The following EWSR1 variants were observed in gnomAD, a reference collection of about 807,000 sequenced individuals.
The protein encoded by EWSR1 is RNA-binding protein EWS.
A neutral mutation model predicts 92.1 loss-of-function variants in EWSR1; 14 were observed. The observed-to-expected ratio is 0.15, with a 90% CI of 0.10 to 0.24. EWSR1 has a LOEUF of 0.24. EWSR1 is among the 10% of genes least tolerant of loss of function. The pLI is 1.00. For synonymous variants in EWSR1, 303 were observed against 292.9 expected (o/e 1.03, Z -0.35); for missense variants, 637 against 870.9 (o/e 0.73, Z 3.38).
intron 4 of EWSR1, chr22:29,277,774 T>G (rs940241556): frequency 2.3e-6 from 1 of 442,166 alleles, no homozygotes; most frequent in African/African-American, 2.0e-5. Context: ...CCCTGTTTTC[T>G]GTAGCATGAC....
At chr22:29,288,501 T>C (rs2060217375) in intron 7 of EWSR1, 105 bp from the exon 8 acceptor site, 1 of 1,113,114 alleles carries the variant, frequency 9.0e-7, no homozygotes, top group South Asian at 1.7e-5. Context: ...AGATGGTGCC[T>C]TGGTTAGTGC....
At position 29,298,748 on chromosome 22, in the gene EWSR1, G is replaced by A. The variant is rs1431048672; in HGVS notation, c.1433G>A (p.Gly478Glu). ...CTTGTTGTAGGTCCAGGAGGCCCAGGAGGTCCTGGGGGACCCATGGGTCGC... is the reference window on the plus strand; with the variant it reads ...CTTGTTGTAGGTCCAGGAGGCCCAGAAGGTCCTGGGGGACCCATGGGTCGC... ...PPLRGGPGGPGGPGGPMGRMG... is the reference protein window; with the variant it reads ...PPLRGGPGGPEGPGGPMGRMG... The change falls in exon 14 of 17, where the codon GGA becomes GAA. Residue 478 changes from glycine to glutamate, a missense_variant. Physicochemically the swap from Gly to Glu is moderately conservative, Grantham distance 98. This residue lies in a region of EWSR1 where 363 missense variants were observed against 447.8 expected (regional missense o/e 0.81). Transcript: ENST00000397938. 3 of 1,613,558 alleles carry A rather than the reference G, an allele frequency of 1.9e-6. No homozygotes were observed. Among genetic ancestry groups the A allele is most frequent in the Non-Finnish European group, 2.5e-6 (3 of 1,179,994 alleles).
At position 29,286,973 on chromosome 22, in the gene EWSR1, A is replaced by C; in HGVS notation, c.632A>C (p.Gln211Pro). The C allele has an allele frequency of 6.2e-7, 1 of 1,613,650 alleles. No individual in the cohort carries two copies. The highest frequency in any genetic ancestry group is 8.5e-7 in the Non-Finnish European group (1 of 1,179,814). ...TATGATCAGAGCAGTTACTCTCAGC[A>C]GAACACCTATGGGCAACCGAGCAGC... is the stretch of plus-strand genomic sequence containing the variant. The part of the protein sequence containing the change: ...TSYDQSSYSQ[Q>P]NTYGQPSSYG... Residue 211 changes from glutamine (Q) to proline (P), a missense_variant, in exon 7 of 17, where the codon CAG (glutamine) becomes CCG (proline). Physicochemically the swap from Gln to Pro is moderately conservative, Grantham distance 76. Coordinates refer to ENST00000397938, the MANE Select transcript of EWSR1 (RefSeq NM_005243.4).
intron 5 of EWSR1, among the ~76,000 whole-genome samples, chr22:29,280,992 A>C (rs1454288880): frequency 6.9e-6 from 1 of 143,980 alleles, no homozygotes; most frequent in Non-Finnish European, 1.5e-5. Flanking sequence ...CCATTCTCCT[A>C]CCTCAGCCTC....
At chr22:29,279,178 T>C (rs953125571) in intron 5 of EWSR1, among the ~76,000 whole-genome samples, 11 of 152,106 alleles carry the variant, frequency 7.2e-5, no homozygotes, top group Non-Finnish European at 1.5e-4. Context: ...ACTGATAGAA[T>C]TGTACTTTTG....
chr22:29,297,570 T>G (rs958807508), intron 12 of EWSR1, among the ~76,000 whole-genome samples: 3 of 152,172 alleles, frequency 2.0e-5, no homozygotes, highest in Non-Finnish European at 4.4e-5. Context: ...GATGCGTGCC[T>G]GTAGTCCCAG....
chr22:29,296,218 A>C, intron 11 of EWSR1, 21 bp from the exon 12 acceptor site: 1 of 1,610,120 alleles, frequency 6.2e-7, no homozygotes, highest in East Asian at 2.2e-5. Flanking sequence ...GTCATGCCTA[A>C]CTATGCTATT....
intron 1 of EWSR1, among the ~76,000 whole-genome samples, chr22:29,271,837 G>A (rs999056393): frequency 3.3e-5 from 5 of 152,160 alleles, no homozygotes; most frequent in African/African-American, 1.2e-4. Flanking sequence ...GCATGCCTCC[G>A]TTTTATATGA....
intron 4 of EWSR1, chr22:29,276,264 C>T (rs1032088467): frequency 3.0e-5 from 7 of 229,886 alleles, no homozygotes; most frequent in African/African-American, 1.1e-4. Flanking sequence ...ATGTGGTTGA[C>T]CTTAGGACTC....
At chr22:29,269,684 C>T (rs1273472558) in intron 1 of EWSR1, 1 of 152,106 alleles carries the variant, frequency 6.6e-6, no homozygotes, top group East Asian at 1.9e-4. Context: ...CTGTTCGTGC[C>T]GGGATACCAA....
At chr22:29,280,363 C>T (rs111728672) in intron 5 of EWSR1, among the ~76,000 whole-genome samples, 7 of 152,124 alleles carry the variant, frequency 4.6e-5, no homozygotes, top group African/African-American at 1.2e-4. Context: ...CCACCGCACC[C>T]GGCCTGCCTG....
chr22:29,273,702 C>T (rs747011289), intron 3 of EWSR1, 39 bp from the exon 4 acceptor site: 4 of 1,590,896 alleles, frequency 2.5e-6, no homozygotes, highest in African/African-American at 2.7e-5. Flanking sequence ...TACAAAAGTT[C>T]ATGTATGAAG....
Position 29,297,788 on chromosome 22 carries a change from G to A in EWSR1, c.1295-39G>A, listed in dbSNP as rs1263517797. The stretch of plus-strand genomic sequence containing the variant: ...ATGATGTGGAGTTGGTGAACAGGGA[G>A]TACAGGGGAGTAATTGATGTTCTGT... On this transcript the variant is annotated intron_variant, in intron 12 of 16. Transcript: ENST00000397938. 6.8e-6 allele frequency: 11 copies of A among 1,611,312 alleles called. 1 individual carries two copies. In the East Asian group the frequency reaches 2.0e-4, roughly 29 times the overall value.
intron 2 of EWSR1, 49 bp downstream of exon 2, chr22:29,272,301 G>A: frequency 6.2e-7 from 1 of 1,611,504 alleles, no homozygotes; most frequent in Non-Finnish European, 8.5e-7. Flanking sequence ...AATATTTTTT[G>A]AATATGGAGC....
chr22:29,270,256 C>T (rs550156568), intron 1 of EWSR1, among the ~76,000 whole-genome samples: 1 of 152,114 alleles, frequency 6.6e-6, no homozygotes, highest in African/African-American at 2.4e-5. Context: ...TAGAAAAGTA[C>T]GTAAAGCATA....
chr22:29,280,878 T>G (rs71324748), intron 5 of EWSR1, among the ~76,000 whole-genome samples: 1,642 of 102,874 alleles, frequency 0.016, 154 homozygotes, highest in African/African-American at 0.029. Flanking sequence ...TTTTTTTTTT[T>G]TTTTTTTTTT....
intron 5 of EWSR1, among the ~76,000 whole-genome samples, chr22:29,279,212 C>T (rs2059370553): frequency 6.6e-6 from 1 of 152,194 alleles, no homozygotes; most frequent in Non-Finnish European, 1.5e-5. Flanking sequence ...ATGCTTTTAT[C>T]TTTGATTTCA....
chr22:29,280,866 T>G (rs1310278735), intron 5 of EWSR1, among the ~76,000 whole-genome samples: 2 of 19,036 alleles, frequency 1.1e-4, no homozygotes, highest in African/African-American at 6.3e-4. Flanking sequence ...TGTGTTGTTT[T>G]TTTTTTTTTT....
chr22:29,269,293 C>T (rs1044570346), intron 1 of EWSR1: 1 of 152,178 alleles, frequency 6.6e-6, no homozygotes, highest in Non-Finnish European at 1.5e-5. Context: ...CTGTTGATTT[C>T]GTAGGTCGAC....
Sources: gnomAD v4.1 joint callset for allele counts (sites outside exome capture counted in the v4.1 genomes callset) on GRCh38, gnomAD v4.1.1 for gene constraint, gnomAD v4.1.1 regional missense constraint, MANE v1.5 for transcripts, NCBI Gene and HGNC (gene_info 2026-07-23, HGNC 2026-07-21) for gene names.